The following TTC6 variants were observed in gnomAD, a reference collection of about 807,000 sequenced individuals.
TTC6 encodes tetratricopeptide repeat protein 6.
A neutral mutation model predicts 210.4 loss-of-function variants in TTC6; 172 were observed. That is an observed-to-expected ratio of 0.82 (90% CI 0.72 to 0.93). The LOEUF is 0.93. Among genes scored for constraint, TTC6 ranks in the 40% least tolerant of loss-of-function variants. The pLI, the probability that TTC6 is intolerant of heterozygous loss-of-function variation, is 0.00. For missense variants in TTC6, 2,414 were observed against 2,318.1 expected (o/e 1.04, Z -0.85); for synonymous variants, 804 against 819.6 (o/e 0.98, Z 0.32).
At chr14:37,602,745 C>T (rs1435119908) in intron 1 of TTC6, among the ~76,000 whole-genome samples, 1 of 152,160 alleles carries the variant, frequency 6.6e-6, no homozygotes, top group Non-Finnish European at 1.5e-5. Flanking sequence ...CCAGTCACCG[C>T]GGTGGGGGAG....
chr14:37,834,842 T>C (rs1447559869), intron 29 of TTC6, among the ~76,000 whole-genome samples: 1 of 152,176 alleles, frequency 6.6e-6, no homozygotes, highest in Non-Finnish European at 1.5e-5. Flanking sequence ...AAGACTTTTT[T>C]CTGTAGATAT....
At chr14:37,719,892 T>C (rs2095858645) in intron 6 of TTC6, among the ~76,000 whole-genome samples, 1 of 152,002 alleles carries the variant, frequency 6.6e-6, no homozygotes, top group Non-Finnish European at 1.5e-5. Flanking sequence ...CAAAAGACCC[T>C]GTTAAGAGGA....
intron 14 of TTC6, among the ~76,000 whole-genome samples, chr14:37,767,200 T>G (rs1006946290): frequency 1.3e-5 from 2 of 152,232 alleles, no homozygotes; most frequent in African/African-American, 4.8e-5. Flanking sequence ...AGTCTATCAT[T>G]GTTGGACATT....
exon 30 of TTC6, chr14:37,841,567 T>A: frequency 6.2e-7 from 1 of 1,607,956 alleles, no homozygotes; most frequent in Non-Finnish European, 8.5e-7. Context: ...ATTTTGCAAA[T>A]GTAATTGAAA....
intron 26 of TTC6, among the ~76,000 whole-genome samples, chr14:37,818,479 A>G (rs1424128438): frequency 6.6e-6 from 1 of 152,116 alleles, no homozygotes; most frequent in African/African-American, 2.4e-5. Context: ...TAAGAAACAA[A>G]TAATACCAGT....
At position 37,735,992 on chromosome 14, in the gene TTC6, T is replaced by A. The variant is rs1286845872; in HGVS notation, c.1890T>A (p.His630Gln). The change falls in exon 8 of 31, where the codon CAT (histidine) becomes CAA (glutamine). Residue 630 changes from histidine to glutamine, a missense_variant. Transcript: ENST00000553443. ...GCAGTGTCATTACTTTACATCAACATAGCAGAACAAATTTTTGGGTATGTA... is the reference window on the plus strand; with the variant it reads ...GCAGTGTCATTACTTTACATCAACAAAGCAGAACAAATTTTTGGGTATGTA... 5.2e-6 allele frequency: 8 copies of A among 1,530,888 alleles called. No homozygotes were observed. The African/African-American group carries it at 6.9e-5, about 13-fold the overall frequency. The allele number at this position is 1,530,888 out of a possible 1,614,324, so 94.8% of individuals were successfully genotyped here.
chr14:37,625,471 C>T (rs1053753011), intron 1 of TTC6, among the ~76,000 whole-genome samples: 10 of 151,616 alleles, frequency 6.6e-5, no homozygotes, highest in African/African-American at 2.4e-4. Context: ...TCTCTTGAAC[C>T]CGGGAGGCGG....
intron 7 of TTC6, among the ~76,000 whole-genome samples, chr14:37,727,196 A>C (rs2062786996): frequency 6.6e-6 from 1 of 151,300 alleles, no homozygotes; most frequent in Non-Finnish European, 1.5e-5. Context: ...ATTAATTATT[A>C]ATTCAATGTT....
chr14:37,724,418 C>A (rs963089644), intron 6 of TTC6, among the ~76,000 whole-genome samples: 6 of 152,110 alleles, frequency 3.9e-5, no homozygotes, highest in African/African-American at 1.4e-4. Context: ...CTTCTAAGAT[C>A]CATCTCTAGA....
At chr14:37,666,930 T>C (rs759031379) in intron 1 of TTC6, among the ~76,000 whole-genome samples, 2 of 150,404 alleles carry the variant, frequency 1.3e-5, no homozygotes, top group Non-Finnish European at 3.0e-5. Context: ...ACTATGGTGG[T>C]ATAAAAGTAA....
At chr14:37,759,818 C>T (rs1228050813) in intron 14 of TTC6, among the ~76,000 whole-genome samples, 11 of 152,096 alleles carry the variant, frequency 7.2e-5, no homozygotes, top group Non-Finnish European at 8.8e-5. Flanking sequence ...GTATGCTTCA[C>T]GAAGTTCTTG....
chr14:37,817,358 T>C (rs778484259), intron 25 of TTC6, among the ~76,000 whole-genome samples: 1 of 152,174 alleles, frequency 6.6e-6, no homozygotes, highest in Non-Finnish European at 1.5e-5. Context: ...GAGTCTACAA[T>C]AATAGGTTTC....
At chr14:37,619,450 A>T (rs573288785), upstream of TTC6, among the ~76,000 whole-genome samples, 124 of 152,350 alleles carry the variant, frequency 8.1e-4, 2 homozygotes, top group Middle Eastern at 0.048. Flanking sequence ...AAATGTAGAT[A>T]AGTGATAAAA....
rs541113857 is a variant in TTC6, at chr14:37,765,287, C to G, written c.3266+12052C>G. Among the ~76,000 whole-genome samples the G allele has an allele frequency of 1.4e-3, 214 of 151,566 alleles. 1 individual carries two copies. The highest frequency in any genetic ancestry group is 5.0e-3 in the African/African-American group (206 of 41,294). ...AAGTGATCCTCCCACCTCAGACTCC[C>G]AGGTAGCTAGGACTATAGGTGCACA... On this transcript the variant is annotated intron_variant, in intron 14 of 30. Coordinates refer to ENST00000553443, the Ensembl canonical transcript of TTC6.
Position 37,749,732 on chromosome 14 carries a change from T to A in TTC6, c.2845T>A (p.Leu949Met), listed in dbSNP as rs1324126607. 3.5e-6 allele frequency: 5 copies of A among 1,441,824 alleles called. No homozygotes were observed. In the African/African-American group the frequency reaches 7.3e-5, roughly 21 times the overall value. 89.3% of individuals were successfully genotyped at this position (1,441,824 alleles called of 1,614,324 possible). A position where few individuals can be genotyped will look rare whatever the true frequency, so the allele number is the denominator to read the frequency against. ...TTTCTAGGTAATACTCTTGGAACCA[T>A]TGTTTCTCAATGCCTATTGGCATCG... The change falls in exon 12 of 31, where the codon TTG (leucine) becomes ATG (methionine). Residue 949 changes from leucine (L) to methionine (M), a missense_variant. By Grantham distance (15) the Leu-to-Met change is conservative. Coordinates refer to ENST00000553443, the Ensembl canonical transcript of TTC6.
intron 11 of TTC6, 23 bp downstream of exon 13, chr14:37,749,424 A>G (rs1322317873): frequency 1.4e-6 from 2 of 1,392,468 alleles, no homozygotes; most frequent in African/African-American, 2.9e-5. Context: ...TAACCAAAAT[A>G]GTAATATTCA....
chr14:37,691,838 C>CA (rs1403235858), intron 3 of TTC6, among the ~76,000 whole-genome samples: 1 of 151,886 alleles, frequency 6.6e-6, no homozygotes, highest in Non-Finnish European at 1.5e-5. Flanking sequence ...CAAATAAACT[C>CA]AGAGATGAAA....
Position 37,806,359 on chromosome 14 carries a change from A to T in TTC6, c.4165-2A>T. 1 of 1,534,870 alleles carries T rather than the reference A, an allele frequency of 6.5e-7. No individual in the cohort carries two copies. Among genetic ancestry groups the T allele is most frequent in the Non-Finnish European group, 8.7e-7 (1 of 1,146,230 alleles). On this transcript the variant is annotated splice_acceptor_variant, in intron 21 of 30. Coordinates refer to ENST00000553443, the Ensembl canonical transcript of TTC6. LOFTEE classifies it high-confidence loss of function. ...TTGCATTTTGACAATATGCTCCTGTAGGCTTTTGATTCTTTTACAAAAGCT... is the reference window on the plus strand; with the variant it reads ...TTGCATTTTGACAATATGCTCCTGTTGGCTTTTGATTCTTTTACAAAAGCT...
At chr14:37,832,717 G>C (rs937665880) in intron 29 of TTC6, among the ~76,000 whole-genome samples, 3 of 152,048 alleles carry the variant, frequency 2.0e-5, no homozygotes, top group Admixed American at 6.6e-5. Flanking sequence ...GACTTGTTTT[G>C]TGTTTTAATA....
Sources: gnomAD v4.1 joint callset for allele counts (sites outside exome capture counted in the v4.1 genomes callset) on GRCh38, gnomAD v4.1.1 for gene constraint, MANE v1.5 for transcripts, NCBI Gene and HGNC (gene_info 2026-07-23, HGNC 2026-07-21) for gene names.